FCRL2: variants seen among roughly 807,000 people sequenced by gnomAD.
The protein encoded by FCRL2 is Fc receptor-like protein 2.
A neutral mutation model predicts 59.8 loss-of-function variants in FCRL2; 48 were observed. That is an observed-to-expected ratio of 0.80 (90% CI 0.64 to 1.02). The LOEUF is 1.02. Ranked by LOEUF, FCRL2 falls within the 50% of genes least tolerant of loss-of-function variation. FCRL2 has a pLI of 0.00. For synonymous variants in FCRL2, 251 were observed against 229.5 expected (o/e 1.09, Z -0.85); for missense variants, 658 against 597.3 (o/e 1.10, Z -1.06).
chr1:157,756,649 G>T (rs2101691163), intron 7 of FCRL2, among the ~76,000 whole-genome samples: 1 of 150,794 alleles, frequency 6.6e-6, no homozygotes, highest in African/African-American at 2.4e-5. Flanking sequence ...ACTGCACTCT[G>T]GCCTGAGTAG....
chr1:157,754,415 C>T (rs1453053055), intron 7 of FCRL2, among the ~76,000 whole-genome samples: 2 of 152,168 alleles, frequency 1.3e-5, no homozygotes. Context: ...TAATCCACCC[C>T]TTGTTTAGCA....
At chr1:157,767,547 A>T (rs1649609265) in intron 5 of FCRL2, 38 bp from the exon 6 acceptor site, 3 of 1,614,250 alleles carry the variant, frequency 1.9e-6, no homozygotes, top group African/African-American at 2.7e-5. Context: ...AAGATTTGTG[A>T]TGCCTCAATA....
intron 2 of FCRL2, chr1:157,774,569 C>T (rs1005453415): frequency 3.3e-5 from 14 of 422,390 alleles, no homozygotes; most frequent in Non-Finnish European, 6.1e-5. Flanking sequence ...TCTGAATGGT[C>T]GTAGGTGATT....
intron 4 of FCRL2, 31 bp downstream of exon 4, chr1:157,769,835 T>C (rs915856758): frequency 1.9e-6 from 3 of 1,601,550 alleles, no homozygotes; most frequent in Non-Finnish European, 2.6e-6. Context: ...CCTATCTTTT[T>C]TTCTCCAGGC....
intron 8 of FCRL2, 63 bp from the exon 9 acceptor site, chr1:157,749,023 AC>A: frequency 7.0e-7 from 1 of 1,431,668 alleles, no homozygotes; most frequent in East Asian, 2.3e-5. Context: ...CAGAGGGGAG[AC>A]TGGCTGAGGA....
intron 7 of FCRL2, among the ~76,000 whole-genome samples, chr1:157,751,029 T>G (rs1451350638): frequency 6.6e-6 from 1 of 152,122 alleles, no homozygotes; most frequent in East Asian, 1.9e-4. Flanking sequence ...ATTTGTCAAT[T>G]TAAAGGAAGC....
At chr1:157,754,319 C>T (rs1226361101) in intron 7 of FCRL2, among the ~76,000 whole-genome samples, 1 of 152,180 alleles carries the variant, frequency 6.6e-6, no homozygotes, top group Non-Finnish European at 1.5e-5. Flanking sequence ...CTCACTGCTA[C>T]ACTCCCACCA....
chr1:157,747,623 T>A (rs1022173086), intron 10 of FCRL2, among the ~76,000 whole-genome samples: 2 of 152,138 alleles, frequency 1.3e-5, no homozygotes, highest in Admixed American at 1.3e-4. Flanking sequence ...AGCCAAGCTG[T>A]CAACAGCCAC....
rs546557832 is a variant in FCRL2, at chr1:157,751,904, T to A, written c.1280-2227A>T. Among the ~76,000 whole-genome samples the A allele has an allele frequency of 4.2e-3, 642 of 152,268 alleles. 3 individuals carry two copies. The highest frequency in any genetic ancestry group is 0.013 in the African/African-American group (535 of 41,554). On this transcript the variant is annotated intron_variant, in intron 7 of 11. Transcript: ENST00000361516. ...GCTGATTTTCTCAACCGAGCAAACC[T>A]GGAGAGTCAGCTTTTTCAGAGCCAG...
chr1:157,772,028 T>TTATA (rs35452726), intron 2 of FCRL2, among the ~76,000 whole-genome samples: 18,607 of 146,952 alleles, frequency 0.13, 1,242 homozygotes, highest in East Asian at 0.2. Context: ...AACAATCTGA[T>TTATA]TATATATATA....
chr1:157,763,789 G>A (rs111928543), intron 7 of FCRL2, among the ~76,000 whole-genome samples: 1,742 of 152,256 alleles, frequency 0.011, 34 homozygotes, highest in African/African-American at 0.04. Context: ...CCAGCACTTT[G>A]GGAGGCCAAG....
intron 7 of FCRL2, 107 bp downstream of exon 7, chr1:157,766,747 TG>T: frequency 6.5e-7 from 1 of 1,540,400 alleles, no homozygotes; most frequent in Non-Finnish European, 8.7e-7. Flanking sequence ...AAGAAATTAT[TG>T]GCTTTTGGAG....
At chr1:157,754,327 C>T (rs911376208) in intron 7 of FCRL2, among the ~76,000 whole-genome samples, 3 of 152,156 alleles carry the variant, frequency 2.0e-5, no homozygotes, top group African/African-American at 4.8e-5. Flanking sequence ...TACACTCCCA[C>T]CAGTGGCATG....
In FCRL2 at chr1:157,768,589, T is replaced by C. The variant is rs563323631; in HGVS notation, c.708A>G (p.Thr236=). The change falls in exon 5 of 12, where the codon ACA becomes ACG. Residue 236 remains threonine, a synonymous_variant. Transcript: ENST00000361516. ...CSVAGGTGNV[T]FSWYREATGT... ...CTGTGGCCTCTCTGTACCAGGAGAA[T>C]GTGACATTTCCTGTACCCCCAGCCA... 9.9e-6 allele frequency: 16 copies of C among 1,614,228 alleles called. No individual in the cohort carries two copies. In the African/African-American group the frequency reaches 1.5e-4, roughly 15 times the overall value.
chr1:157,759,058 G>C (rs1158880669), intron 7 of FCRL2, among the ~76,000 whole-genome samples: 1 of 152,190 alleles, frequency 6.6e-6, no homozygotes, highest in African/African-American at 2.4e-5. Flanking sequence ...GGAGGGACCC[G>C]GTGGGAGGTA....
chr1:157,754,965 CA>C (rs200403779), intron 7 of FCRL2, among the ~76,000 whole-genome samples: 20 of 134,146 alleles, frequency 1.5e-4, no homozygotes, highest in African/African-American at 2.5e-4. Flanking sequence ...GACTCTGTCT[CA>C]AAAAAAAAAG....
chr1:157,759,821 G>A (rs55980761), intron 7 of FCRL2, among the ~76,000 whole-genome samples: 2,702 of 152,220 alleles, frequency 0.018, 70 homozygotes, highest in African/African-American at 0.061. Flanking sequence ...AGAGAAAAGG[G>A]AACAATTAAC....
chr1:157,755,099 A>G (rs1648487299), intron 7 of FCRL2, among the ~76,000 whole-genome samples: 1 of 152,196 alleles, frequency 6.6e-6, no homozygotes, highest in South Asian at 2.1e-4. Flanking sequence ...ACATAACAAT[A>G]ATTATTTTTA....
At chr1:157,750,158 A>G (rs1213002046) in intron 7 of FCRL2, among the ~76,000 whole-genome samples, 1 of 152,242 alleles carries the variant, frequency 6.6e-6, no homozygotes, top group East Asian at 1.9e-4. Flanking sequence ...TGACATTCGT[A>G]AGGCGAACTA....
Sources: gnomAD v4.1 joint callset for allele counts (sites outside exome capture counted in the v4.1 genomes callset) on GRCh38, gnomAD v4.1.1 for gene constraint, MANE v1.5 for transcripts, NCBI Gene and HGNC (gene_info 2026-07-23, HGNC 2026-07-21) for gene names.